The following CEL variants were observed in gnomAD, a reference collection of about 807,000 sequenced individuals.
CEL encodes bile salt-activated lipase.
A neutral mutation model predicts 57.1 loss-of-function variants in CEL; 39 were observed. That is an observed-to-expected ratio of 0.68 (90% CI 0.53 to 0.89). CEL has a LOEUF of 0.89. CEL is among the 40% of genes least tolerant of loss of function. The pLI, the probability that CEL is intolerant of heterozygous loss-of-function variation, is 0.00. For missense variants in CEL, 698 were observed against 915.0 expected (o/e 0.76, Z 3.06); for synonymous variants, 314 against 396.6 (o/e 0.79, Z 2.48).
At position 133,065,149 on chromosome 9, in the gene CEL, C is replaced by T. The variant is rs772841960; in HGVS notation, c.450C>T (p.Ile150=). Residue 150 remains isoleucine, a synonymous_variant, in exon 4 of 11, where the codon ATC becomes ATT. Coordinates refer to ENST00000372080, the MANE Select transcript of CEL (RefSeq NM_001807.6). The stretch of plus-strand genomic sequence containing the variant: ...ACTACCTGTATGACGGCGAGGAGAT[C>T]GCCACACGCGGAAACGTCATCGTGG... ...LNNYLYDGEE[I]ATRGNVIVVT... 24 of 1,613,808 alleles carry T rather than the reference C, an allele frequency of 1.5e-5. No individual in the cohort carries two copies. In the Admixed American group the frequency reaches 1.7e-4, roughly 11 times the overall value.
At chr9:133,065,308 C>G in intron 4 of CEL, 71 bp downstream of exon 4, 1 of 1,536,138 alleles carries the variant, frequency 6.5e-7, no homozygotes, top group Non-Finnish European at 8.9e-7. Context: ...TTTTCCTCAG[C>G]ACCCCTCACC....
chr9:133,066,755 T>C lies in CEL; in HGVS notation c.670-83T>C, dbSNP rs1258985194. 7 of 1,606,646 alleles carry C rather than the reference T, an allele frequency of 4.4e-6. No individual in the cohort carries two copies. In the African/African-American group the frequency reaches 9.4e-5, roughly 22 times the overall value. ...GGGAGGAGGAGCGTGGAGCTGGGGC[T>C]GTGGTGCTGGGGTGTCCTTGTCCCA... On this transcript the variant is annotated intron_variant, in intron 5 of 10. Transcript: ENST00000372080. This position sits in a 1 kb window ranked among gnomAD's most constrained non-coding sequence, Gnocchi z 4.3.
chr9:133,066,383 T>C lies in CEL; in HGVS notation c.539-147T>C. The C allele has an allele frequency of 1.1e-6, 1 of 936,322 alleles. No individual in the cohort carries two copies. The allele number at this position is 936,322 out of a possible 1,614,324, so 58.0% of individuals were successfully genotyped here. A position where few individuals can be genotyped will look rare whatever the true frequency, so the allele number is the denominator to read the frequency against. ...CCAGCACCCTACCCGACCCAGCTTC[T>C]TAGGGACCCACCATTTGCCAACTGG... On this transcript the variant is annotated intron_variant, in intron 4 of 10. Coordinates refer to ENST00000372080, the MANE Select transcript of CEL (RefSeq NM_001807.6). This position sits in a 1 kb window ranked among gnomAD's most constrained non-coding sequence, Gnocchi z 4.3.
At chr9:133,068,565 A>G in intron 7 of CEL, 107 bp from the exon 8 acceptor site, 1 of 1,453,984 alleles carries the variant, frequency 6.9e-7, no homozygotes, top group Non-Finnish European at 9.4e-7. Flanking sequence ...GTGTCCATAG[A>G]TCAGAGAAGG....
rs1299706413 is a variant in CEL at position 133,071,773 on chromosome 9, G to A, written c.*9G>A. On this transcript the variant is annotated 3_prime_UTR_variant, in exon 11 of 11. Coordinates refer to ENST00000372080, the MANE Select transcript of CEL (RefSeq NM_001807.6). Reference sequence around the variant, plus strand: ...CAGTCATTAGGTTTTAGCGTCCCATGAGCCTTGGTATCAAGAGGCCACAAG... The same window carrying A: ...CAGTCATTAGGTTTTAGCGTCCCATAAGCCTTGGTATCAAGAGGCCACAAG... The A allele has an allele frequency of 6.2e-7, 1 of 1,611,570 alleles. No homozygotes were observed. The highest frequency in any genetic ancestry group is 8.5e-7 in the Non-Finnish European group (1 of 1,178,832).
rs1457005175 is a variant in CEL at position 133,071,624 on chromosome 9, G to C, written c.2122G>C (p.Asp708His). ...SGAPPVTPTG[D>H]SETAPVPPTG... ...GGCCCCCCCCGTGACCCCCACGGGT[G>C]ACTCCGAGACCGCCCCCGTGCCGCC... Residue 708 changes from aspartate (D) to histidine (H), a missense_variant, in exon 11 of 11, where the codon GAC becomes CAC. Transcript: ENST00000372080. 1 of 1,480,304 alleles carries C rather than the reference G, an allele frequency of 6.8e-7. No individual in the cohort carries two copies. Among genetic ancestry groups the C allele is most frequent in the Non-Finnish European group, 9.2e-7 (1 of 1,089,936 alleles). 91.7% of individuals were successfully genotyped at this position (1,480,304 alleles called of 1,614,324 possible).
At chr9:133,067,588 T>G (rs1830201363) in intron 7 of CEL, among the ~76,000 whole-genome samples, 1 of 152,160 alleles carries the variant, frequency 6.6e-6, no homozygotes. Context: ...TTAGCTAGGA[T>G]GATCTCGGTC....
At position 133,071,702 on chromosome 9, in the gene CEL, G is replaced by C. The variant is rs1429103234; in HGVS notation, c.2200G>C (p.Ala734Pro). ...GCCCCCCACGGGTGACTCTGAGGCTGCCCCTGTGCCCCCCACAGATGACTC... is the reference window on the plus strand; with the variant it reads ...GCCCCCCACGGGTGACTCTGAGGCTCCCCCTGTGCCCCCCACAGATGACTC... The part of the protein sequence containing the change: ...PVPPTGDSEA[A>P]PVPPTDDSKE... The change falls in exon 11 of 11, where the codon GCC (alanine) becomes CCC (proline). Residue 734 changes from alanine to proline, a missense_variant. By Grantham distance (27) the Ala-to-Pro change is conservative. Around this residue, in one of 6 missense-constraint regions of CEL, gnomAD observed 238 missense variants for 213.7 expected, o/e 1.11. Transcript: ENST00000372080. 6.2e-7 allele frequency: 1 copy of C among 1,607,810 alleles called. No individual in the cohort carries two copies. Among genetic ancestry groups the C allele is most frequent in the Non-Finnish European group, 8.5e-7 (1 of 1,177,290 alleles).
In CEL at chr9:133,064,476, G is replaced by A; in HGVS notation, c.139G>A (p.Val47Met). The stretch of plus-strand genomic sequence containing the variant: ...GAAGCTCGGCCTCCTGGGTGACTCT[G>A]TGGACATCTTCAAGGGCATCCCCTT... ...NKKLGLLGDS[V>M]DIFKGIPFAA... Residue 47 changes from valine to methionine, a missense_variant, in exon 2 of 11, where the codon GTG becomes ATG. By Grantham distance (21) the Val-to-Met change is conservative. This residue lies in a region of CEL where 327 missense variants were observed against 374.1 expected (regional missense o/e 0.87). Transcript: ENST00000372080. The A allele has an allele frequency of 1.2e-6, 2 of 1,614,186 alleles. No homozygotes were observed. The highest frequency in any genetic ancestry group is 1.7e-6 in the Non-Finnish European group (2 of 1,180,016).
In CEL at chr9:133,066,597, G is replaced by C. The variant is rs749819142; in HGVS notation, c.606G>C (p.Gly202=). ...TGAAGAGGAATATCGCGGCCTTCGG[G>C]GGGGACCCCAACAACATCACGCTCT... is the stretch of plus-strand genomic sequence containing the variant. The part of the protein sequence containing the change: ...AWVKRNIAAF[G]GDPNNITLFG... Residue 202 remains glycine (G), a synonymous_variant, in exon 5 of 11, where the codon GGG becomes GGC. Transcript: ENST00000372080. The surrounding 1 kb of genome is among the most constrained non-coding windows in gnomAD (Gnocchi z 4.3). 5.0e-6 allele frequency: 8 copies of C among 1,613,988 alleles called. No individual in the cohort carries two copies. Among genetic ancestry groups the C allele is most frequent in the Middle Eastern group, 1.7e-4 (1 of 6,060 alleles).
At chr9:133,067,058 C>T (rs1166193301) in intron 6 of CEL, 30 bp from the exon 7 acceptor site, 2 of 1,612,196 alleles carry the variant, frequency 1.2e-6, no homozygotes, top group Non-Finnish European at 8.5e-7. Flanking sequence ...TCCGGCCTCA[C>T]CTACCTGCTG....
In CEL at chr9:133,066,792, G is replaced by A. The variant is rs767057872; in HGVS notation, c.670-46G>A. 1.3e-5 allele frequency: 21 copies of A among 1,607,042 alleles called. 1 individual carries two copies. Among genetic ancestry groups the A allele is most frequent in the Middle Eastern group, 3.3e-4 (2 of 6,000 alleles). ...GTGTCCTTGTCCCAGCGTGGGGTGG[G>A]CAGAGTGGGGAGCGGCCTTGGTGAC... On this transcript the variant is annotated intron_variant, in intron 5 of 10. Coordinates refer to ENST00000372080, the MANE Select transcript of CEL (RefSeq NM_001807.6). The surrounding 1 kb of genome is among the most constrained non-coding windows in gnomAD (Gnocchi z 4.3).
intron 1 of CEL, among the ~76,000 whole-genome samples, chr9:133,063,722 C>T (rs1291935170): frequency 2.6e-5 from 4 of 152,146 alleles, no homozygotes; most frequent in Non-Finnish European, 4.4e-5. Context: ...CTCCAGGCCC[C>T]TCGTGGGGGT....
In CEL at chr9:133,065,138, G is replaced by A. The variant is rs778447237; in HGVS notation, c.439G>A (p.Gly147Ser). Reference protein sequence around the residue: ...ANFLNNYLYDGEEIATRGNVI... With the variant: ...ANFLNNYLYDSEEIATRGNVI... ...CTTCCTCAACAACTACCTGTATGAC[G>A]GCGAGGAGATCGCCACACGCGGAAA... Residue 147 changes from glycine to serine, a missense_variant, in exon 4 of 11, where the codon GGC becomes AGC. Gly to Ser is a moderately conservative substitution (Grantham distance 56). Transcript: ENST00000372080. 3 of 1,613,952 alleles carry A rather than the reference G, an allele frequency of 1.9e-6. No homozygotes were observed. The highest frequency in any genetic ancestry group is 2.5e-6 in the Non-Finnish European group (3 of 1,180,038).
In CEL at chr9:133,064,475, T is replaced by C; in HGVS notation, c.138T>C (p.Ser46=). Residue 46 remains serine (S), a synonymous_variant, in exon 2 of 11, where the codon TCT becomes TCC. Coordinates refer to ENST00000372080, the MANE Select transcript of CEL (RefSeq NM_001807.6). The stretch of plus-strand genomic sequence containing the variant: ...AGAAGCTCGGCCTCCTGGGTGACTC[T>C]GTGGACATCTTCAAGGGCATCCCCT... ...VNKKLGLLGD[S]VDIFKGIPFA... is the part of the protein sequence containing the mutation. 6 of 1,614,164 alleles carry C rather than the reference T, an allele frequency of 3.7e-6. No individual in the cohort carries two copies. Among genetic ancestry groups the C allele is most frequent in the Non-Finnish European group, 5.1e-6 (6 of 1,180,012 alleles).
At position 133,066,423 on chromosome 9, in the gene CEL, C is replaced by T; in HGVS notation, c.539-107C>T. The stretch of plus-strand genomic sequence containing the variant: ...TTGCCAACTGGGGCTCTGCCATGGC[C>T]CCAACTCTGTTGAGGGCATTTCCAC... On this transcript the variant is annotated intron_variant, in intron 4 of 10. Transcript: ENST00000372080. This position sits in a 1 kb window ranked among gnomAD's most constrained non-coding sequence, Gnocchi z 4.3. 1 of 1,461,516 alleles carries T rather than the reference C, an allele frequency of 6.8e-7. No homozygotes were observed. The highest frequency in any genetic ancestry group is 1.1e-5 in the South Asian group (1 of 87,174). The allele number at this position is 1,461,516 out of a possible 1,614,324, so 90.5% of individuals were successfully genotyped here. A position where few individuals can be genotyped will look rare whatever the true frequency, so the allele number is the denominator to read the frequency against.
intron 9 of CEL, among the ~76,000 whole-genome samples, 153 bp downstream of exon 9, chr9:133,069,412 G>A (rs1830231371): frequency 7.2e-6 from 1 of 138,846 alleles, no homozygotes. Flanking sequence ...CCACTTTGCT[G>A]AGGCCTGGCA....
rs1285269644 is a variant in CEL, at chr9:133,064,712, A to G, written c.290A>G (p.Asp97Gly). Residue 97 changes from aspartate to glycine, a missense_variant, in exon 3 of 11, where the codon GAT becomes GGT. Transcript: ENST00000372080. Reference sequence around the variant, plus strand: ...ATCACCCAGGACAGCACCTACGGGGATGAAGACTGCCTGTACCTCAACATT... The same window carrying G: ...ATCACCCAGGACAGCACCTACGGGGGTGAAGACTGCCTGTACCTCAACATT... ...ATITQDSTYG[D>G]EDCLYLNIWV... 2.5e-6 allele frequency: 4 copies of G among 1,613,992 alleles called. No individual in the cohort carries two copies. Among genetic ancestry groups the G allele is most frequent in the Non-Finnish European group, 3.4e-6 (4 of 1,180,028 alleles).
rs180845141 is a variant in CEL at position 133,063,963 on chromosome 9, G to A, written c.67-441G>A. Among the ~76,000 whole-genome samples, 21 of 152,262 alleles carry A rather than the reference G, an allele frequency of 1.4e-4. No individual in the cohort carries two copies. In the East Asian group the frequency reaches 3.3e-3, roughly 24 times the overall value. The stretch of plus-strand genomic sequence containing the variant: ...GAGGAAGGTTGGTGTGAAACATCCC[G>A]GGTACACTGAGCATTGGGTACACTC... On this transcript the variant is annotated intron_variant, in intron 1 of 10. Transcript: ENST00000372080.
Sources: allele counts gnomAD v4.1 joint callset (sites outside exome capture counted in the v4.1 genomes callset), GRCh38; gene constraint gnomAD v4.1.1; regional missense constraint gnomAD v4.1.1; non-coding constraint Gnocchi (gnomAD v3.1); transcripts MANE v1.5; gene names NCBI Gene and HGNC (gene_info 2026-07-23, HGNC 2026-07-21).